The following OLAH variants were observed in gnomAD, a reference collection of about 807,000 sequenced individuals.
OLAH encodes the protein oleoyl-ACP hydrolase.
Under a neutral mutation model 27.8 loss-of-function variants are expected in OLAH, and 33 were observed. That is an observed-to-expected ratio of 1.19 (90% CI 0.90 to 1.59). The LOEUF (loss-of-function observed/expected upper bound fraction) is 1.59. Ranked by LOEUF, OLAH falls within the 40% of genes most tolerant of loss-of-function variation. The pLI, the probability that OLAH is intolerant of heterozygous loss-of-function variation, is 0.00. For missense variants in OLAH, 359 were observed against 310.8 expected, an observed-to-expected ratio of 1.16 and a Z score of -1.17; for synonymous variants, 120 against 102.9, an observed-to-expected ratio of 1.17 and a Z score of -1.01.
chr10:15,059,517 T>C (rs1325106353), intron 3 of OLAH, among the ~76,000 whole-genome samples: 1 of 151,986 alleles, frequency 6.6e-6, no homozygotes, highest in Non-Finnish European at 1.5e-5. Context: ...AGAAATGTGC[T>C]GTCATGGCCT....
chr10:15,050,349 T>C (rs893062684), intron 3 of OLAH, among the ~76,000 whole-genome samples: 1 of 150,526 alleles, frequency 6.6e-6, no homozygotes, highest in East Asian at 2.0e-4. Context: ...CTCACTGCAA[T>C]CTCCACCTCC....
At chr10:15,058,111 ATAT>A (rs1844282162) in intron 3 of OLAH, among the ~76,000 whole-genome samples, 1 of 152,234 alleles carries the variant, frequency 6.6e-6, no homozygotes, top group Non-Finnish European at 1.5e-5. Context: ...CATCATAACA[ATAT>A]TGATCCATGA....
At chr10:15,063,327 C>T (rs537540525) in intron 4 of OLAH, among the ~76,000 whole-genome samples, 7 of 152,240 alleles carry the variant, frequency 4.6e-5, no homozygotes, top group African/African-American at 1.4e-4. Context: ...GATGGAGTTT[C>T]GCCATGTTGC....
intron 1 of OLAH, among the ~76,000 whole-genome samples, chr10:15,044,442 A>T (rs1379346199): frequency 6.6e-6 from 1 of 150,966 alleles, no homozygotes; most frequent in Non-Finnish European, 1.5e-5. Context: ...TTATATATAT[A>T]TATTTTTTTC....
chr10:15,043,459 C>T (rs1313331515), upstream of OLAH, among the ~76,000 whole-genome samples: 2 of 150,904 alleles, frequency 1.3e-5, no homozygotes, highest in East Asian at 3.9e-4. Flanking sequence ...TTTCCACCTT[C>T]CAGTGGATTC....
At position 15,045,794 on chromosome 10, in the gene OLAH, T is replaced by A. The variant is rs553649247; in HGVS notation, c.-163-1332T>A. Among the ~76,000 whole-genome samples the A allele has an allele frequency of 3.3e-5, 5 of 152,244 alleles. No homozygotes were observed. In the South Asian group the frequency reaches 8.3e-4, roughly 25 times the overall value. On this transcript the variant is annotated intron_variant, in intron 1 of 7. Transcript: ENST00000378228. ...GGAAGTCAGAAGATAAAGACCTTTA[T>A]AAATGACAGATCTGTACTTGAGGTC...
intron 1 of OLAH, among the ~76,000 whole-genome samples, chr10:15,033,608 G>A (rs1296205483): frequency 6.6e-6 from 1 of 152,148 alleles, no homozygotes; most frequent in Non-Finnish European, 1.5e-5. Flanking sequence ...ATAACGAACG[G>A]AAGTCTATTG....
intron 3 of OLAH, among the ~76,000 whole-genome samples, chr10:15,059,664 G>A (rs1333533742): frequency 6.6e-6 from 1 of 152,090 alleles, no homozygotes; most frequent in Non-Finnish European, 1.5e-5. Flanking sequence ...AAATTACCCG[G>A]GTGTGGTGGC....
intron 1 of OLAH, among the ~76,000 whole-genome samples, chr10:15,037,008 G>A (rs1843850528): frequency 1.3e-5 from 2 of 152,132 alleles, no homozygotes; most frequent in Non-Finnish European, 2.9e-5. Flanking sequence ...GAACCTGGGA[G>A]GCAGAGGTTG....
At chr10:15,036,682 G>A (rs967783479) in intron 1 of OLAH, among the ~76,000 whole-genome samples, 1 of 152,028 alleles carries the variant, frequency 6.6e-6, no homozygotes, top group Non-Finnish European at 1.5e-5. Flanking sequence ...GGATTGGGGG[G>A]CCTTGCTATG....
intron 2 of OLAH, among the ~76,000 whole-genome samples, chr10:15,048,599 C>A (rs920430243): frequency 6.6e-6 from 1 of 152,162 alleles, no homozygotes; most frequent in Admixed American, 6.6e-5. Context: ...TTACATATAA[C>A]TTGAAAAGTG....
intron 3 of OLAH, among the ~76,000 whole-genome samples, chr10:15,056,630 C>G (rs1844250722): frequency 6.6e-6 from 1 of 151,516 alleles, no homozygotes; most frequent in Non-Finnish European, 1.5e-5. Context: ...TTCCTTCCTT[C>G]CTTTTTCTTT....
intron 6 of OLAH, chr10:15,068,160 C>G (rs1844504467): frequency 6.6e-6 from 1 of 152,156 alleles, no homozygotes; most frequent in South Asian, 2.1e-4. Context: ...TCTGTTATTT[C>G]TAGAAATCCC....
chr10:15,073,767 A>G lies in OLAH; in HGVS notation c.*538A>G, dbSNP rs1844643003. On this transcript the variant is annotated 3_prime_UTR_variant, in exon 8 of 8. Coordinates refer to ENST00000378228, the MANE Select transcript of OLAH (RefSeq NM_001039702.3). ...TTTGTCGACAAAATTCATGATTAGT[A>G]AATTATCCATTTTTTCCTTCAGTTA... The G allele has an allele frequency of 6.6e-6, 1 of 152,134 alleles. No individual in the cohort carries two copies. Among genetic ancestry groups the G allele is most frequent in the African/African-American group, 2.4e-5 (1 of 41,424 alleles). The allele number at this position is 152,134 out of a possible 1,614,324, so 9.4% of individuals were successfully genotyped here.
intron 4 of OLAH, 122 bp from the exon 5 acceptor site, chr10:15,064,281 A>G: frequency 1.6e-6 from 1 of 629,942 alleles, no homozygotes; most frequent in South Asian, 1.9e-5. Context: ...ATCAACTCAC[A>G]CTTTCCTTTC....
upstream of OLAH, among the ~76,000 whole-genome samples, chr10:15,042,135 A>G (rs1033594796): frequency 6.6e-5 from 10 of 152,042 alleles, no homozygotes; most frequent in Non-Finnish European, 1.2e-4. Context: ...GCACAAATAC[A>G]ACAAATACAC....
chr10:15,043,150 G>C (rs777275030), upstream of OLAH, among the ~76,000 whole-genome samples: 1 of 151,790 alleles, frequency 6.6e-6, no homozygotes, highest in South Asian at 2.1e-4. Context: ...GTGAGCCACC[G>C]CGTCCAGCCA....
At position 15,068,478 on chromosome 10, in the gene OLAH, C is replaced by G. The variant is rs374409657; in HGVS notation, c.572+2725C>G. On this transcript the variant is annotated intron_variant, in intron 6 of 7. Coordinates refer to ENST00000378228, the MANE Select transcript of OLAH (RefSeq NM_001039702.3). ...CGCGATCTCAGCTCACTGCAACCTC[C>G]GTCTCCTGGGTTCAAGCAATTCTCC... Among the ~76,000 whole-genome samples, 5 of 152,222 alleles carry G rather than the reference C, an allele frequency of 3.3e-5. No individual in the cohort carries two copies. The South Asian group carries it at 1.0e-3, about 32-fold the overall frequency.
At chr10:15,047,910 G>A (rs1391803925) in intron 2 of OLAH, among the ~76,000 whole-genome samples, 1 of 152,124 alleles carries the variant, frequency 6.6e-6, no homozygotes, top group East Asian at 1.9e-4. Context: ...ACCCTTTACA[G>A]AACACAAGTT....
Sources: gnomAD v4.1 joint callset for allele counts (sites outside exome capture counted in the v4.1 genomes callset) on GRCh38, gnomAD v4.1.1 for gene constraint, MANE v1.5 for transcripts, NCBI Gene and HGNC (gene_info 2026-07-23, HGNC 2026-07-21) for gene names.